CTNNA3: variants seen among roughly 807,000 people sequenced by gnomAD.
The protein encoded by CTNNA3 is catenin alpha 3.
CTNNA3 carries 76 observed loss-of-function variants against 95.7 expected under a neutral mutation model. The ratio of observed to expected loss-of-function variants is 0.79; its 90% CI spans 0.66 to 0.96. The LOEUF is 0.96. Ranked by LOEUF, CTNNA3 falls within the 40% of genes least tolerant of loss-of-function variation. CTNNA3 has a pLI of 0.00. For missense variants in CTNNA3, 1,191 were observed against 1,089.8 expected, an observed-to-expected ratio of 1.09 and a Z score of -1.31; for synonymous variants, 431 against 374.4, an observed-to-expected ratio of 1.15 and a Z score of -1.74.
Position 66,318,261 on chromosome 10 carries a change from G to GATATATATATATATATAT in CTNNA3, c.1733-37641_1733-37640insATATATATATATATATAT, listed in dbSNP as rs1554932044. Among the ~76,000 whole-genome samples, 22 of 137,514 alleles carry GATATATATATATATATAT rather than the reference G, an allele frequency of 1.6e-4. 1 individual carries two copies. The South Asian group carries it at 5.2e-3, about 32-fold the overall frequency. The allele number at this position is 137,514 out of a possible 152,430, so 90.2% of individuals were successfully genotyped here. On this transcript the variant is annotated intron_variant, in intron 12 of 17. Coordinates refer to ENST00000433211, the MANE Select transcript of CTNNA3 (RefSeq NM_013266.4). ...TCATTTGCAGGTGGAGTTGCTGGGA[G>GATATATATATATATATAT]ATATATATATATATATGTGTGTGTG...
At chr10:66,265,550 A>G (rs2091126747) in intron 13 of CTNNA3, among the ~76,000 whole-genome samples, 1 of 151,648 alleles carries the variant, frequency 6.6e-6, no homozygotes, top group South Asian at 2.1e-4. Flanking sequence ...AACTCTTACC[A>G]CTCTACTCCT....
intron 5 of CTNNA3, among the ~76,000 whole-genome samples, chr10:67,477,108 A>G (rs1366772405): frequency 6.6e-6 from 1 of 151,712 alleles, no homozygotes; most frequent in Non-Finnish European, 1.5e-5. Context: ...GGCCCTTTAC[A>G]CTCCACACCC....
intron 3 of CTNNA3, among the ~76,000 whole-genome samples, chr10:67,577,569 G>A (rs187044403): frequency 3.3e-5 from 5 of 152,010 alleles, no homozygotes; most frequent in Admixed American, 2.0e-4. Flanking sequence ...TGTTGCCATT[G>A]CTTTTGGTGT....
In CTNNA3 at chr10:67,050,103, C is replaced by T. The variant is rs1429479263; in HGVS notation, c.1047+130214G>A. ...ATATAAAGCTAATATACATTTCCTT[C>T]CTCTGATTTCCATTGCCCGGATTTC... On this transcript the variant is annotated intron_variant, in intron 7 of 17. Transcript: ENST00000433211. 2.0e-5 allele frequency among the ~76,000 whole-genome samples: 3 copies of T among 152,212 alleles called. No individual in the cohort carries two copies. The East Asian group carries it at 5.8e-4, about 29-fold the overall frequency.
intron 9 of CTNNA3, among the ~76,000 whole-genome samples, chr10:66,681,108 A>G (rs758544949): frequency 9.2e-5 from 14 of 152,196 alleles, no homozygotes; most frequent in Non-Finnish European, 1.6e-4. Flanking sequence ...AAGCATTTGG[A>G]TGCATATTTA....
At chr10:66,910,225 ATACT>A (rs1331833352) in intron 7 of CTNNA3, among the ~76,000 whole-genome samples, 2 of 152,210 alleles carry the variant, frequency 1.3e-5, no homozygotes, top group Non-Finnish European at 2.9e-5. Context: ...TAAATAATAA[ATACT>A]TACAGTGTGG....
At chr10:67,544,298 T>C (rs1365096245) in intron 3 of CTNNA3, among the ~76,000 whole-genome samples, 1 of 151,868 alleles carries the variant, frequency 6.6e-6, no homozygotes, top group African/African-American at 2.4e-5. Flanking sequence ...GCAAAAATGG[T>C]TATAAGGCAC....
At chr10:66,108,856 C>T (rs2082008051) in intron 13 of CTNNA3, among the ~76,000 whole-genome samples, 1 of 152,098 alleles carries the variant, frequency 6.6e-6, no homozygotes, top group Admixed American at 6.6e-5. Flanking sequence ...TAATCCTTTG[C>T]CTTCTGTCTT....
chr10:67,726,363 A>ATATC (rs1564841029), intron 1 of CTNNA3, among the ~76,000 whole-genome samples: 1 of 41,618 alleles, frequency 2.4e-5, no homozygotes, highest in South Asian at 1.2e-3. Flanking sequence ...TATATGATAT[A>ATATC]ATATATGATA....
At position 66,656,719 on chromosome 10, in the gene CTNNA3, A is replaced by G. The variant is rs76029339; in HGVS notation, c.1282-34935T>C. On this transcript the variant is annotated intron_variant, in intron 9 of 17. Coordinates refer to ENST00000433211, the MANE Select transcript of CTNNA3 (RefSeq NM_013266.4). Reference sequence around the variant, plus strand: ...AATATTTGGATATAACAGATAAGACATAATGCTTTGCCAGGACTGCTAGAC... The same window carrying G: ...AATATTTGGATATAACAGATAAGACGTAATGCTTTGCCAGGACTGCTAGAC... Among the ~76,000 whole-genome samples the G allele has an allele frequency of 4.4e-3, 672 of 152,236 alleles. 8 individuals are homozygous for G. Among genetic ancestry groups the G allele is most frequent in the Non-Finnish European group, 6.4e-3 (437 of 67,948 alleles).
At chr10:66,438,065 T>C (rs1205059445) in intron 11 of CTNNA3, among the ~76,000 whole-genome samples, 1 of 152,132 alleles carries the variant, frequency 6.6e-6, no homozygotes, top group Non-Finnish European at 1.5e-5. Context: ...CTCCTTCCTC[T>C]GGAAGCTTTA....
At chr10:67,604,797 G>A (rs1843209709) in intron 3 of CTNNA3, among the ~76,000 whole-genome samples, 1 of 152,218 alleles carries the variant, frequency 6.6e-6, no homozygotes, top group Non-Finnish European at 1.5e-5. Flanking sequence ...TGACTAAGAT[G>A]ATGATCAAGA....
rs369495016 is a variant in CTNNA3 at position 66,289,174 on chromosome 10, T to C, written c.1733-8553A>G. ...GTTAATTAATTTTAAGGAGTTGTAA[T>C]ACTACAGTAAAAGATTATGGATTCA... On this transcript the variant is annotated intron_variant, in intron 12 of 17. Coordinates refer to ENST00000433211, the MANE Select transcript of CTNNA3 (RefSeq NM_013266.4). Among the ~76,000 whole-genome samples, 34 of 151,928 alleles carry C rather than the reference T, an allele frequency of 2.2e-4. No individual in the cohort carries two copies. The East Asian group carries it at 4.1e-3, about 18-fold the overall frequency.
chr10:66,753,990 T>C (rs1172793078), intron 9 of CTNNA3, among the ~76,000 whole-genome samples: 1 of 152,116 alleles, frequency 6.6e-6, no homozygotes, highest in Non-Finnish European at 1.5e-5. Flanking sequence ...GCAATCCCTA[T>C]CAAGATTTCA....
chr10:67,703,325 AAG>A (rs552800947), intron 1 of CTNNA3, among the ~76,000 whole-genome samples: 1,987 of 152,174 alleles, frequency 0.013, 41 homozygotes, highest in African/African-American at 0.045. Context: ...CACAACCAAA[AAG>A]AGAATTTTAG....
intron 9 of CTNNA3, among the ~76,000 whole-genome samples, chr10:66,765,700 A>C (rs1839819356): frequency 6.6e-6 from 1 of 152,120 alleles, no homozygotes; most frequent in African/African-American, 2.4e-5. Flanking sequence ...GCAATATGCT[A>C]TCCTGTTCCA....
At chr10:66,690,287 T>C (rs1829117856) in intron 9 of CTNNA3, among the ~76,000 whole-genome samples, 1 of 152,170 alleles carries the variant, frequency 6.6e-6, no homozygotes, top group Non-Finnish European at 1.5e-5. Context: ...ATTTGAATTT[T>C]ACATTATTTT....
chr10:67,462,288 G>A (rs1005078321), intron 5 of CTNNA3, among the ~76,000 whole-genome samples: 1 of 152,198 alleles, frequency 6.6e-6, no homozygotes, highest in Non-Finnish European at 1.5e-5. Context: ...AGGAGATGCT[G>A]TAAGTCAGCA....
chr10:66,209,020 C>T (rs188559429), intron 13 of CTNNA3, among the ~76,000 whole-genome samples: 1 of 152,152 alleles, frequency 6.6e-6, no homozygotes, highest in East Asian at 1.9e-4. Context: ...TGTATAAATA[C>T]AATATAGTAT....
Sources: gnomAD v4.1 joint callset for allele counts (sites outside exome capture counted in the v4.1 genomes callset) on GRCh38, gnomAD v4.1.1 for gene constraint, MANE v1.5 for transcripts, NCBI Gene and HGNC (gene_info 2026-07-23, HGNC 2026-07-21) for gene names.